Variants in SRPK2 observed in about 807,000 individuals in gnomAD.
SRPK2 encodes the protein SRSF protein kinase 2.
In SRPK2, 21 loss-of-function variants were observed where a neutral mutation model predicts 90.8. The observed-to-expected ratio is 0.23, with a 90% CI of 0.16 to 0.33. SRPK2 has a LOEUF of 0.33. Among genes scored for constraint, SRPK2 ranks in the 10% least tolerant of loss-of-function variants. The pLI is 1.00. For missense variants in SRPK2, 620 were observed against 869.0 expected (o/e 0.71, Z 3.60); for synonymous variants, 288 against 311.1 (o/e 0.93, Z 0.78).
Position 105,280,154 on chromosome 7 carries a change from G to A in SRPK2, c.72-76369C>T, listed in dbSNP as rs1585507109. ...AATTAAGCTGAGCGCAGTGGCTCAC[G>A]CCTGTACCCCAGTACTTTGGGAGGC... On this transcript the variant is annotated intron_variant, in intron 2 of 15. Coordinates refer to ENST00000393651, the MANE Select transcript of SRPK2 (RefSeq NM_182692.3). 2.6e-5 allele frequency among the ~76,000 whole-genome samples: 4 copies of A among 152,018 alleles called. No homozygotes were observed. In the South Asian group the frequency reaches 6.2e-4, roughly 24 times the overall value.
intron 2 of SRPK2, chr7:105,245,039 ACACACAC>A (rs1801436758): frequency 3.8e-6 from 1 of 262,900 alleles, no homozygotes; most frequent in East Asian, 1.5e-4. Context: ...AAACAAACAC[ACACACAC>A]ACACACACAC....
At chr7:105,168,453 TTCTGG>T (rs1308027746) in intron 4 of SRPK2, among the ~76,000 whole-genome samples, 2 of 152,162 alleles carry the variant, frequency 1.3e-5, no homozygotes, top group Non-Finnish European at 2.9e-5. Context: ...TCCAAAACAC[TTCTGG>T]TCTCAAAGCA....
At chr7:105,217,076 C>G (rs765497057) in intron 2 of SRPK2, among the ~76,000 whole-genome samples, 1 of 152,202 alleles carries the variant, frequency 6.6e-6, no homozygotes, top group African/African-American at 2.4e-5. Flanking sequence ...ACATTACGCA[C>G]GATACTGCTA....
At chr7:105,192,024 T>C (rs1286326076) in intron 3 of SRPK2, among the ~76,000 whole-genome samples, 2 of 149,112 alleles carry the variant, frequency 1.3e-5, no homozygotes, top group Non-Finnish European at 3.0e-5. Flanking sequence ...CACTTATTCC[T>C]TTTAAAAGCT....
chr7:105,388,970 C>G (rs1297698145), upstream of SRPK2: 1 of 1,093,828 alleles, frequency 9.1e-7, no homozygotes, highest in Non-Finnish European at 1.1e-6. Context: ...CAAGACCCGC[C>G]CCCGTCCGGC....
At chr7:105,118,537 T>C (rs980654768) in intron 15 of SRPK2, among the ~76,000 whole-genome samples, 2 of 152,134 alleles carry the variant, frequency 1.3e-5, no homozygotes, top group South Asian at 2.1e-4. Context: ...TTGGTTGACA[T>C]AACAGAATGA....
intron 6 of SRPK2, among the ~76,000 whole-genome samples, chr7:105,164,795 A>G (rs574487285): frequency 6.6e-6 from 1 of 152,314 alleles, no homozygotes; most frequent in South Asian, 2.1e-4. Flanking sequence ...TAAATCTGGG[A>G]AAAAGCCTTA....
In SRPK2 at chr7:105,169,177, G is replaced by A. The variant is rs761945620; in HGVS notation, c.318C>T (p.Val106=). ...CTTACTGCATATCCCAGCACAGCCAGACAGTAGAGAAGTGCCCCCATCCAA... is the reference window on the plus strand; with the variant it reads ...CTTACTGCATATCCCAGCACAGCCAAACAGTAGAGAAGTGCCCCCATCCAA... The part of the protein sequence containing the change: ...RKLGWGHFST[V]WLCWDMQGKR... Residue 106 remains valine (V), a synonymous_variant, in exon 4 of 16, where the codon GTC becomes GTT. Transcript: ENST00000393651. 15 of 1,612,964 alleles carry A rather than the reference G, an allele frequency of 9.3e-6. No homozygotes were observed. The highest frequency in any genetic ancestry group is 1.9e-4 in the Middle Eastern group (1 of 5,380).
chr7:105,345,175 G>A (rs1816309757), intron 2 of SRPK2, among the ~76,000 whole-genome samples: 1 of 144,290 alleles, frequency 6.9e-6, no homozygotes, highest in African/African-American at 2.6e-5. Context: ...GAAGGCAAGG[G>A]AGGAGAGGAG....
At chr7:105,353,504 T>TTGTTGC (rs766267004) in intron 2 of SRPK2, among the ~76,000 whole-genome samples, 18 of 7,848 alleles carry the variant, frequency 2.3e-3, no homozygotes. Context: ...CCAGCCCAGT[T>TTGTTGC]TGTTGTTGTT....
intron 2 of SRPK2, among the ~76,000 whole-genome samples, chr7:105,205,261 G>A (rs1796050632): frequency 6.6e-6 from 1 of 152,122 alleles, no homozygotes; most frequent in African/African-American, 2.4e-5. Flanking sequence ...ATGAGGAAGG[G>A]GTGGGGATCA....
chr7:105,285,215 A>G (rs527702658), intron 2 of SRPK2, among the ~76,000 whole-genome samples: 21 of 151,838 alleles, frequency 1.4e-4, no homozygotes, highest in Non-Finnish European at 2.6e-4. Flanking sequence ...GCGAAACCCT[A>G]TCTCTACAAA....
At chr7:105,175,417 C>T (rs1401735088) in intron 3 of SRPK2, among the ~76,000 whole-genome samples, 2 of 151,816 alleles carry the variant, frequency 1.3e-5, no homozygotes, top group Admixed American at 1.3e-4. Flanking sequence ...ATGCCTATAC[C>T]AGAAAAGATC....
intron 2 of SRPK2, among the ~76,000 whole-genome samples, chr7:105,287,809 T>C (rs1808369368): frequency 6.6e-6 from 1 of 152,158 alleles, no homozygotes; most frequent in African/African-American, 2.4e-5. Flanking sequence ...AGAGGAAACA[T>C]AGGCAGGAAG....
At chr7:105,226,417 A>T (rs912547906) in intron 2 of SRPK2, among the ~76,000 whole-genome samples, 3 of 152,096 alleles carry the variant, frequency 2.0e-5, no homozygotes, top group African/African-American at 7.2e-5. Flanking sequence ...CAGCCTCTCG[A>T]GTAGCTGGGA....
Position 105,247,720 on chromosome 7 carries a change from T to TA in SRPK2, c.72-43936dup, listed in dbSNP as rs56380946. ...GACTGTATTAACCACCTATTTTTTT[T>TA]AAAAAAAAGTTTTTTATTTTTATAG... On this transcript the variant is annotated intron_variant, in intron 2 of 15. Transcript: ENST00000393651. Among the ~76,000 whole-genome samples, 5 of 151,782 alleles carry TA rather than the reference T, an allele frequency of 3.3e-5. No individual in the cohort carries two copies. In the East Asian group the frequency reaches 5.8e-4, roughly 18 times the overall value.
intron 1 of SRPK2, among the ~76,000 whole-genome samples, chr7:105,397,415 C>T (rs1484340379): frequency 1.3e-5 from 2 of 151,738 alleles, no homozygotes; most frequent in Admixed American, 6.6e-5. Context: ...CTGCAACCTC[C>T]GCCTCCCAGG....
At position 105,312,269 on chromosome 7, in the gene SRPK2, G is replaced by A. The variant is rs1197753225; in HGVS notation, c.71+76379C>T. ...AGCCTGGACAATATAGTGAAACTAC[G>A]TCTCTACTAAAAATACAAAAATTAG... On this transcript the variant is annotated intron_variant, in intron 2 of 15. Coordinates refer to ENST00000393651, the MANE Select transcript of SRPK2 (RefSeq NM_182692.3). Among the ~76,000 whole-genome samples the A allele has an allele frequency of 5.9e-5, 9 of 151,882 alleles. No homozygotes were observed. The South Asian group carries it at 1.2e-3, about 21-fold the overall frequency.
intron 2 of SRPK2, among the ~76,000 whole-genome samples, chr7:105,276,213 T>C (rs1157231827): frequency 1.3e-5 from 2 of 151,694 alleles, no homozygotes; most frequent in Non-Finnish European, 2.9e-5. Context: ...CCTGAGTAGT[T>C]ACAACTACAG....
Sources: gnomAD v4.1 joint callset for allele counts (sites outside exome capture counted in the v4.1 genomes callset) on GRCh38, gnomAD v4.1.1 for gene constraint, MANE v1.5 for transcripts, NCBI Gene and HGNC (gene_info 2026-07-23, HGNC 2026-07-21) for gene names.